Variants in AKAP7 observed in about 807,000 individuals in gnomAD.
AKAP7 encodes A-kinase anchoring protein 7.
Under a neutral mutation model 39.5 loss-of-function variants are expected in AKAP7, and 39 were observed. The observed-to-expected ratio is 0.99, with a 90% CI of 0.76 to 1.29. The LOEUF is 1.29. AKAP7 is among the 50% of genes most tolerant of loss of function. The probability of loss-of-function intolerance (pLI) is 0.00; values close to 1 mark genes in which losing one functional copy is unlikely to be tolerated. For missense variants in AKAP7, 414 were observed against 407.7 expected, an observed-to-expected ratio of 1.02 and a Z score of -0.13; for synonymous variants, 140 against 139.1, an observed-to-expected ratio of 1.01 and a Z score of -0.05.
intron 7 of AKAP7, among the ~76,000 whole-genome samples, chr6:131,258,234 A>T (rs956027118): frequency 6.6e-6 from 1 of 152,224 alleles, no homozygotes; most frequent in Non-Finnish European, 1.5e-5. Context: ...GAAAGGTATG[A>T]TGATGAGTAA....
intron 7 of AKAP7, among the ~76,000 whole-genome samples, chr6:131,223,499 A>G (rs1487683272): frequency 6.6e-6 from 1 of 152,212 alleles, no homozygotes. Context: ...TGAATTTTAT[A>G]TTCTGAAACA....
chr6:131,131,436 A>G (rs1329991631), upstream of AKAP7, among the ~76,000 whole-genome samples: 3 of 150,932 alleles, frequency 2.0e-5, no homozygotes, highest in African/African-American at 7.3e-5. Flanking sequence ...TAGGACATTA[A>G]GATTACCCGT....
chr6:131,261,846 A>T (rs1488667364), intron 7 of AKAP7, among the ~76,000 whole-genome samples: 1 of 152,208 alleles, frequency 6.6e-6, no homozygotes, highest in Non-Finnish European at 1.5e-5. Flanking sequence ...TAGAAACTAC[A>T]CCAGTTGCTT....
At chr6:131,222,958 C>A (rs563956416) in intron 7 of AKAP7, among the ~76,000 whole-genome samples, 1 of 152,212 alleles carries the variant, frequency 6.6e-6, no homozygotes, top group African/African-American at 2.4e-5. Context: ...AAGTACTACT[C>A]TGATTAGTCA....
intron 5 of AKAP7, chr6:131,184,714 C>T: frequency 1.2e-6 from 1 of 832,942 alleles, no homozygotes; most frequent in Non-Finnish European, 2.1e-6. Flanking sequence ...TCCATCAGGA[C>T]CCTTTTTGGA....
At chr6:131,265,156 A>T (rs1387336580) in intron 7 of AKAP7, among the ~76,000 whole-genome samples, 1 of 151,800 alleles carries the variant, frequency 6.6e-6, no homozygotes, top group Non-Finnish European at 1.5e-5. Context: ...TTTTTTTGAG[A>T]CAGAGTCTTG....
chr6:131,240,615 C>T (rs1811463227), intron 7 of AKAP7, among the ~76,000 whole-genome samples: 1 of 152,224 alleles, frequency 6.6e-6, no homozygotes, highest in Admixed American at 6.5e-5. Flanking sequence ...GGCGGGTGCC[C>T]CTTCCCCAGC....
chr6:131,253,317 T>C (rs1324464378), intron 7 of AKAP7, among the ~76,000 whole-genome samples: 3 of 152,306 alleles, frequency 2.0e-5, no homozygotes, highest in Middle Eastern at 3.4e-3. Flanking sequence ...CCCAGAAATA[T>C]TCTTATGCAA....
At chr6:131,149,980 G>C (rs1020773805) in intron 2 of AKAP7, among the ~76,000 whole-genome samples, 3 of 152,068 alleles carry the variant, frequency 2.0e-5, no homozygotes, top group Non-Finnish European at 4.4e-5. Flanking sequence ...TAACTATCAG[G>C]CCACATTTAT....
At chr6:131,166,571 A>G (rs2128242096) in intron 4 of AKAP7, among the ~76,000 whole-genome samples, 1 of 152,338 alleles carries the variant, frequency 6.6e-6, no homozygotes, top group Non-Finnish European at 1.5e-5. Flanking sequence ...CGTAGTCTCA[A>G]GACCTCAGTC....
chr6:131,250,539 C>T, intron 7 of AKAP7: 1 of 1,613,928 alleles, frequency 6.2e-7, no homozygotes, highest in Non-Finnish European at 8.5e-7. Flanking sequence ...CGGAGAAGAA[C>T]ACCAGGAAAG....
chr6:131,253,659 CTTA>C (rs1812621911), intron 7 of AKAP7, among the ~76,000 whole-genome samples: 1 of 149,686 alleles, frequency 6.7e-6, no homozygotes. Context: ...ATGAGATCTA[CTTA>C]TTTATTTATT....
rs186732768 is a variant in AKAP7, at chr6:131,199,566, G to A, written c.695G>A (p.Arg232His). The A allele has an allele frequency of 4.3e-5, 69 of 1,599,064 alleles. No homozygotes were observed. In the East Asian group the frequency reaches 7.8e-4, roughly 18 times the overall value. The change falls in exon 6 of 8, where the codon CGT becomes CAT. Residue 232 changes from arginine (R) to histidine (H), a missense_variant. Arg to His is a conservative substitution (Grantham distance 29). Transcript: ENST00000431975. ...AAGTTGTCAAAATCACCGTGGCTCC[G>A]TAAGAATGTGAGTGCATGTTCTTAT... ...FMKLSKSPWL[R>H]KNGVKKIDPD...
intron 5 of AKAP7, among the ~76,000 whole-genome samples, chr6:131,179,536 A>G (rs1585022841): frequency 6.6e-6 from 1 of 152,174 alleles, no homozygotes; most frequent in East Asian, 1.9e-4. Flanking sequence ...GGCCAGGACC[A>G]TGACTGTTTT....
Position 131,159,990 on chromosome 6 carries a change from G to T in AKAP7, c.152-69G>T, listed in dbSNP as rs574094565. ...AATGATTGCTACTTATATATTGCTT[G>T]TTTTTTTTTCTGACTGTATTATCTT... On this transcript the variant is annotated intron_variant, in intron 2 of 7. Coordinates refer to ENST00000431975, the MANE Select transcript of AKAP7 (RefSeq NM_016377.4). 4.7e-4 allele frequency: 610 copies of T among 1,299,172 alleles called. 3 individuals are homozygous for T. In the African/African-American group the frequency reaches 8.4e-3, roughly 18 times the overall value. 80.5% of individuals were successfully genotyped at this position (1,299,172 alleles called of 1,614,324 possible).
chr6:131,132,097 G>C (rs934939769), upstream of AKAP7, among the ~76,000 whole-genome samples: 8 of 152,050 alleles, frequency 5.3e-5, no homozygotes, highest in Admixed American at 2.0e-4. Flanking sequence ...CGGATCATGA[G>C]GTCAGGAGAT....
intron 2 of AKAP7, among the ~76,000 whole-genome samples, chr6:131,158,542 C>A (rs560793681): frequency 3.3e-5 from 5 of 152,250 alleles, no homozygotes; most frequent in African/African-American, 1.2e-4. Flanking sequence ...CAGTCTCACT[C>A]CATTGTCCAG....
intron 6 of AKAP7, among the ~76,000 whole-genome samples, chr6:131,215,180 A>G (rs1027946679): frequency 6.6e-6 from 1 of 151,678 alleles, no homozygotes; most frequent in Non-Finnish European, 1.5e-5. Flanking sequence ...ATTTTTCATC[A>G]CTCCTTATAT....
intron 7 of AKAP7, among the ~76,000 whole-genome samples, chr6:131,241,026 G>A (rs533237051): frequency 2.0e-5 from 3 of 152,312 alleles, no homozygotes; most frequent in Non-Finnish European, 4.4e-5. Flanking sequence ...GCTGGGAGCT[G>A]TAGACTGGAG....
Sources: allele counts gnomAD v4.1 joint callset (sites outside exome capture counted in the v4.1 genomes callset), GRCh38; gene constraint gnomAD v4.1.1; transcripts MANE v1.5; gene names NCBI Gene and HGNC (gene_info 2026-07-23, HGNC 2026-07-21).